Variants in GRID2IP observed in about 807,000 individuals in gnomAD.
The protein encoded by GRID2IP is delphilin.
In GRID2IP, 78 loss-of-function variants were observed where a neutral mutation model predicts 114.3. That is an observed-to-expected ratio of 0.68 (90% CI 0.57 to 0.82). The LOEUF is 0.82. Ranked by LOEUF, GRID2IP falls within the 40% of genes least tolerant of loss-of-function variation. The pLI is 0.00. For synonymous variants in GRID2IP, 809 were observed against 724.0 expected, an observed-to-expected ratio of 1.12 and a Z score of -1.89; for missense variants, 1,727 against 1,678.5, an observed-to-expected ratio of 1.03 and a Z score of -0.51.
In GRID2IP at chr7:6,510,518, C is replaced by T. The variant is rs1412904989; in HGVS notation, c.1653+91G>A. On this transcript the variant is annotated intron_variant, in intron 10 of 21. Coordinates refer to ENST00000457091, the MANE Select transcript of GRID2IP (RefSeq NM_001145118.2). Reference sequence around the variant, plus strand: ...GCCCCAGCCTGAAGCAGCACAGGGACGCCTTGGCCTGGGTCTCCTGGGCCC... The same window carrying T: ...GCCCCAGCCTGAAGCAGCACAGGGATGCCTTGGCCTGGGTCTCCTGGGCCC... 2.0e-5 allele frequency: 26 copies of T among 1,300,888 alleles called. No individual in the cohort carries two copies. In the East Asian group the frequency reaches 2.4e-4, roughly 12 times the overall value. The allele number at this position is 1,300,888 out of a possible 1,614,324, so 80.6% of individuals were successfully genotyped here. A position where few individuals can be genotyped will look rare whatever the true frequency, so the allele number is the denominator to read the frequency against.
At chr7:6,522,992 C>T (rs1235935617) in intron 4 of GRID2IP, among the ~76,000 whole-genome samples, 6 of 151,996 alleles carry the variant, frequency 3.9e-5, no homozygotes, top group East Asian at 1.9e-4. Context: ...TTTGTAGAGA[C>T]GAAGTTTCAC....
chr7:6,513,075 G>A (rs113054946), intron 8 of GRID2IP, among the ~76,000 whole-genome samples: 15 of 152,224 alleles, frequency 9.9e-5, no homozygotes, highest in African/African-American at 3.6e-4. Context: ...CGGAGGGCAC[G>A]CTGAACAGAC....
chr7:6,517,377 C>T (rs757493401), intron 7 of GRID2IP, among the ~76,000 whole-genome samples: 7 of 151,968 alleles, frequency 4.6e-5, no homozygotes, highest in African/African-American at 1.2e-4. Context: ...TTTATTTCTA[C>T]GATCTCTCAT....
chr7:6,503,340 G>A (rs1424352488), intron 16 of GRID2IP, 151 bp downstream of exon 16: 18 of 978,590 alleles, frequency 1.8e-5, no homozygotes, highest in Non-Finnish European at 2.5e-5. Flanking sequence ...ACCCCTGATA[G>A]GACCCGGCCA....
At position 6,523,444 on chromosome 7, in the gene GRID2IP, C is replaced by T. The variant is rs1779450648; in HGVS notation, c.920-1487G>A. ...GTTTCTGGTCCTTAATTTACCAGAGCCTCTCCAGGCCTCAGTTTCCCCATC... is the reference window on the plus strand; with the variant it reads ...GTTTCTGGTCCTTAATTTACCAGAGTCTCTCCAGGCCTCAGTTTCCCCATC... On this transcript the variant is annotated intron_variant, in intron 4 of 21. Coordinates refer to ENST00000457091, the MANE Select transcript of GRID2IP (RefSeq NM_001145118.2). The surrounding 1 kb of genome is among the most constrained non-coding windows in gnomAD (Gnocchi z 4.5). Among the ~76,000 whole-genome samples, 1 of 152,142 alleles carries T rather than the reference C, an allele frequency of 6.6e-6. No homozygotes were observed. Among genetic ancestry groups the T allele is most frequent in the African/African-American group, 2.4e-5 (1 of 41,422 alleles).
rs919725499 is a variant in GRID2IP, at chr7:6,528,220, T to C, written c.585-1451A>G. On this transcript the variant is annotated intron_variant, in intron 2 of 21. Coordinates refer to ENST00000457091, the MANE Select transcript of GRID2IP (RefSeq NM_001145118.2). This position sits in a 1 kb window ranked among gnomAD's most constrained non-coding sequence, Gnocchi z 6.0. ...CCTTGGAAGCTTTCCGGGGGTTATGTCTATAGTTCAATCCTGAGCCACAGT... is the reference window on the plus strand; with the variant it reads ...CCTTGGAAGCTTTCCGGGGGTTATGCCTATAGTTCAATCCTGAGCCACAGT... 6.6e-6 allele frequency among the ~76,000 whole-genome samples: 1 copy of C among 152,224 alleles called. No homozygotes were observed. Among genetic ancestry groups the C allele is most frequent in the African/African-American group, 2.4e-5 (1 of 41,546 alleles).
At chr7:6,514,647 T>TAGAGG in intron 7 of GRID2IP, 118 bp from the exon 8 acceptor site, 1 of 891,386 alleles carries the variant, frequency 1.1e-6, no homozygotes, top group Non-Finnish European at 1.6e-6. Context: ...GCCCTATCCC[T>TAGAGG]ACCCTTCAAA....
In GRID2IP at chr7:6,509,397, G is replaced by T; in HGVS notation, c.1772-84C>A. 1 of 1,233,570 alleles carries T rather than the reference G, an allele frequency of 8.1e-7. No individual in the cohort carries two copies. The highest frequency in any genetic ancestry group is 1.1e-6 in the Non-Finnish European group (1 of 921,814). The allele number at this position is 1,233,570 out of a possible 1,614,324, so 76.4% of individuals were successfully genotyped here. A position where few individuals can be genotyped will look rare whatever the true frequency, so the allele number is the denominator to read the frequency against. ...AAGCTGGAGAGAGGGTCCTAGGACAGACTGGCTCTGTGTCCCAGGCCACTC... is the reference window on the plus strand; with the variant it reads ...AAGCTGGAGAGAGGGTCCTAGGACATACTGGCTCTGTGTCCCAGGCCACTC... On this transcript the variant is annotated intron_variant, in intron 11 of 21. Coordinates refer to ENST00000457091, the MANE Select transcript of GRID2IP (RefSeq NM_001145118.2). This position sits in a 1 kb window ranked among gnomAD's most constrained non-coding sequence, Gnocchi z 4.9.
intron 2 of GRID2IP, among the ~76,000 whole-genome samples, chr7:6,529,956 TCTCTC>T (rs1318839323): frequency 3.4e-5 from 3 of 87,354 alleles, no homozygotes; most frequent in Non-Finnish European, 8.1e-5. Flanking sequence ...TCTCTCTCTC[TCTCTC>T]TTTTTTTTTT....
intron 8 of GRID2IP, among the ~76,000 whole-genome samples, chr7:6,512,902 C>T (rs1435326970): frequency 6.6e-6 from 1 of 152,182 alleles, no homozygotes; most frequent in Non-Finnish European, 1.5e-5. Context: ...AAGTGATCCA[C>T]CCACCTCAGC....
At chr7:6,499,538 C>G (rs553270576) in intron 20 of GRID2IP, among the ~76,000 whole-genome samples, 1 of 152,330 alleles carries the variant, frequency 6.6e-6, no homozygotes, top group South Asian at 2.1e-4. Flanking sequence ...CCAAGTGATT[C>G]TCCTGCCTCA....
chr7:6,514,147 G>T (rs1166299806), intron 8 of GRID2IP, among the ~76,000 whole-genome samples: 1 of 152,132 alleles, frequency 6.6e-6, no homozygotes, highest in Non-Finnish European at 1.5e-5. Flanking sequence ...CAGCTACTCG[G>T]GAGGCTGACG....
chr7:6,518,114 C>G (rs912036931), intron 7 of GRID2IP, among the ~76,000 whole-genome samples: 1 of 151,422 alleles, frequency 6.6e-6, no homozygotes, highest in African/African-American at 2.4e-5. Context: ...CCTGTAGTCC[C>G]AACTACCTGG....
rs750118370 is a variant in GRID2IP at position 6,506,679 on chromosome 7, G to GTTTTTTTTTTTTTTTTTTT, written c.2545-773_2545-772insAAAAAAAAAAAAAAAAAAA. On this transcript the variant is annotated intron_variant, in intron 13 of 21. Transcript: ENST00000457091. This position sits in a 1 kb window ranked among gnomAD's most constrained non-coding sequence, Gnocchi z 5.2. ...TTATTTGTGCCCTTGTCTCACTGAG[G>GTTTTTTTTTTTTTTTTTTT]TATTTTTTTTTTTTTTTTTTTAGAT... Among the ~76,000 whole-genome samples the GTTTTTTTTTTTTTTTTTTT allele has an allele frequency of 3.1e-5, 4 of 127,294 alleles. 2 individuals carry two copies. Among genetic ancestry groups the GTTTTTTTTTTTTTTTTTTT allele is most frequent in the Non-Finnish European group, 6.8e-5 (4 of 59,154 alleles). 83.5% of individuals were successfully genotyped at this position (127,294 alleles called of 152,430 possible). A position where few individuals can be genotyped will look rare whatever the true frequency, so the allele number is the denominator to read the frequency against.
chr7:6,547,782 C>T (rs1175085885), intron 1 of GRID2IP, among the ~76,000 whole-genome samples: 2 of 152,068 alleles, frequency 1.3e-5, no homozygotes, highest in Non-Finnish European at 2.9e-5. Flanking sequence ...GGAGACACTC[C>T]TGAGGGGGTT....
At chr7:6,498,619 G>A (rs1232412776) in intron 20 of GRID2IP, among the ~76,000 whole-genome samples, 1 of 123,684 alleles carries the variant, frequency 8.1e-6, no homozygotes, top group African/African-American at 3.3e-5. Context: ...TTATTCTGTC[G>A]CTCAGCCTGG....
chr7:6,527,429 T>G (rs1779536596), intron 2 of GRID2IP, among the ~76,000 whole-genome samples: 1 of 152,146 alleles, frequency 6.6e-6, no homozygotes, highest in Non-Finnish European at 1.5e-5. Context: ...TAATCCTACA[T>G]GTATTCAGGG....
Position 6,551,101 on chromosome 7 carries a change from A to G in GRID2IP, c.336T>C (p.Ala112=). Residue 112 remains alanine (A), a synonymous_variant, in exon 1 of 22, where the codon GCT becomes GCC. Coordinates refer to ENST00000457091, the MANE Select transcript of GRID2IP (RefSeq NM_001145118.2). ...LRAPRCGRGL[A]LGRELLRLAG... ...CCAGGCGAAGCAGCTCACGGCCCAGAGCTAGGCCGCGGCCGCACCGCGGGG... is the reference window on the plus strand; with the variant it reads ...CCAGGCGAAGCAGCTCACGGCCCAGGGCTAGGCCGCGGCCGCACCGCGGGG... 2 of 1,305,196 alleles carry G rather than the reference A, an allele frequency of 1.5e-6. No individual in the cohort carries two copies. The highest frequency in any genetic ancestry group is 9.7e-7 in the Non-Finnish European group (1 of 1,031,282). 80.9% of individuals were successfully genotyped at this position (1,305,196 alleles called of 1,614,324 possible). A position where few individuals can be genotyped will look rare whatever the true frequency, so the allele number is the denominator to read the frequency against.
chr7:6,524,857 C>CCTGTAGGCACCTGCCTGT (rs1779478952), intron 4 of GRID2IP, among the ~76,000 whole-genome samples: 1 of 151,752 alleles, frequency 6.6e-6, no homozygotes, highest in African/African-American at 2.4e-5. Context: ...GCTGGGACTA[C>CCTGTAGGCACCTGCCTGT]AGGCACCTGC....
Sources: allele counts gnomAD v4.1 joint callset (sites outside exome capture counted in the v4.1 genomes callset), GRCh38; gene constraint gnomAD v4.1.1; non-coding constraint Gnocchi (gnomAD v3.1); transcripts MANE v1.5; gene names NCBI Gene and HGNC (gene_info 2026-07-23, HGNC 2026-07-21).